MGMT: variants seen among roughly 807,000 people sequenced by gnomAD.
The protein encoded by MGMT is O-6-methylguanine-DNA methyltransferase.
Under a neutral mutation model 15.9 loss-of-function variants are expected in MGMT, and 14 were observed. That is an observed-to-expected ratio of 0.88 (90% CI 0.58 to 1.37). MGMT has a LOEUF of 1.37. MGMT is among the 40% of genes most tolerant of loss of function. The pLI is 0.00. For synonymous variants in MGMT, 130 were observed against 118.2 expected (o/e 1.10, Z -0.65); for missense variants, 282 against 268.1 (o/e 1.05, Z -0.36).
At chr10:129,669,189 G>T (rs964602954) in intron 2 of MGMT, among the ~76,000 whole-genome samples, 1 of 151,776 alleles carries the variant, frequency 6.6e-6, no homozygotes, top group African/African-American at 2.4e-5. Flanking sequence ...AACTTATTTT[G>T]TTTTACTGCA....
rs747352251 is a variant in MGMT at position 129,536,299 on chromosome 10, T to TG, written c.51dup (p.Lys18GlufsTer8). 6.2e-7 allele frequency: 1 copy of TG among 1,614,082 alleles called. No homozygotes were observed. The highest frequency in any genetic ancestry group is 8.5e-7 in the Non-Finnish European group (1 of 1,180,018). On this transcript the variant is annotated frameshift_variant, in exon 2 of 5. Coordinates refer to ENST00000651593, the MANE Select transcript of MGMT (RefSeq NM_002412.5). LOFTEE classifies it high-confidence loss of function. ...AAACGCACCACACTGGACAGCCCTT[T>TG]GGGGAAGCTGGAGCTGTCTGGTTGT... is the stretch of plus-strand genomic sequence containing the variant.
chr10:129,754,989 G>C (rs1848788908), intron 3 of MGMT, among the ~76,000 whole-genome samples: 1 of 152,226 alleles, frequency 6.6e-6, no homozygotes, highest in Non-Finnish European at 1.5e-5. Flanking sequence ...TCAGGCTGTA[G>C]TAAGTTCGGG....
intron 1 of MGMT, 44 bp from the exon 2 acceptor site, chr10:129,536,197 G>A (rs1368398770): frequency 1.2e-6 from 2 of 1,605,870 alleles, no homozygotes; most frequent in South Asian, 2.2e-5. Flanking sequence ...TATACGACCA[G>A]CCTCTTACCT....
chr10:129,683,895 A>C (rs1362940842), intron 2 of MGMT, among the ~76,000 whole-genome samples: 4 of 152,198 alleles, frequency 2.6e-5, no homozygotes, highest in African/African-American at 9.7e-5. Flanking sequence ...TGTGCTCAAA[A>C]CAGTTGCCTG....
chr10:129,629,134 C>G (rs1195187416), intron 2 of MGMT, among the ~76,000 whole-genome samples: 1 of 152,234 alleles, frequency 6.6e-6, no homozygotes, highest in Admixed American at 6.5e-5. Context: ...ATTTTACCTT[C>G]CCCAGGTCTG....
At chr10:129,728,431 G>T (rs557283735) in intron 3 of MGMT, among the ~76,000 whole-genome samples, 1 of 152,170 alleles carries the variant, frequency 6.6e-6, no homozygotes. Flanking sequence ...GGCGGACCCC[G>T]CAGGGTCCAT....
At chr10:129,606,325 C>T (rs183051330) in intron 2 of MGMT, among the ~76,000 whole-genome samples, 3 of 152,270 alleles carry the variant, frequency 2.0e-5, no homozygotes, top group Non-Finnish European at 4.4e-5. Context: ...ATTTGTATGT[C>T]GTTAACACCG....
chr10:129,646,719 A>AATATATACATATATATATATATATATAT (rs1847393057), intron 2 of MGMT, among the ~76,000 whole-genome samples: 1 of 81,718 alleles, frequency 1.2e-5, no homozygotes, highest in African/African-American at 4.7e-5. Flanking sequence ...GCCCATCAGA[A>AATATATACATATATATATATATATATAT]ATATATATAT....
At chr10:129,622,475 A>G (rs1271115943) in intron 2 of MGMT, among the ~76,000 whole-genome samples, 8 of 152,220 alleles carry the variant, frequency 5.3e-5, no homozygotes, top group Non-Finnish European at 7.3e-5. Flanking sequence ...TTTACACGGT[A>G]TTGAATCATG....
chr10:129,605,614 C>T (rs948780504), intron 2 of MGMT, among the ~76,000 whole-genome samples: 4 of 152,070 alleles, frequency 2.6e-5, no homozygotes, highest in Non-Finnish European at 4.4e-5. Context: ...CATGTGAAGC[C>T]CATTTTTTCC....
chr10:129,725,757 G>A (rs867198740), intron 3 of MGMT, among the ~76,000 whole-genome samples: 4 of 152,326 alleles, frequency 2.6e-5, no homozygotes, highest in South Asian at 2.1e-4. Context: ...ACACATCCAC[G>A]TAACTCTTGT....
At chr10:129,682,250 T>C (rs1469542703) in intron 2 of MGMT, among the ~76,000 whole-genome samples, 1 of 152,078 alleles carries the variant, frequency 6.6e-6, no homozygotes, top group African/African-American at 2.4e-5. Flanking sequence ...TCAGATGTCC[T>C]TCCAAAGATG....
intron 4 of MGMT, among the ~76,000 whole-genome samples, chr10:129,760,422 G>A (rs1271165343): frequency 6.6e-6 from 1 of 152,244 alleles, no homozygotes; most frequent in Admixed American, 6.5e-5. Context: ...CATACCATCT[G>A]ATCAGGGAGC....
At chr10:129,666,817 G>A (rs542618389) in intron 2 of MGMT, among the ~76,000 whole-genome samples, 4 of 152,314 alleles carry the variant, frequency 2.6e-5, no homozygotes, top group Admixed American at 2.6e-4. Flanking sequence ...CCCAACAGTT[G>A]TAGAAGTTTT....
chr10:129,651,488 A>G (rs1847457545), intron 2 of MGMT, among the ~76,000 whole-genome samples: 1 of 152,192 alleles, frequency 6.6e-6, no homozygotes, highest in African/African-American at 2.4e-5. Flanking sequence ...ACTATAGCGA[A>G]CAAATTGCCC....
At chr10:129,564,324 CCT>C (rs1268508485) in intron 2 of MGMT, among the ~76,000 whole-genome samples, 4 of 43,506 alleles carry the variant, frequency 9.2e-5, no homozygotes, top group Admixed American at 2.2e-4. Context: ...CTTCCTCCCC[CCT>C]CTTTCCTCCC....
At chr10:129,752,587 ATTTG>A (rs1848761274) in intron 3 of MGMT, among the ~76,000 whole-genome samples, 1 of 147,746 alleles carries the variant, frequency 6.8e-6, no homozygotes, top group South Asian at 2.1e-4. Context: ...GTTTTGTTTT[ATTTG>A]TTGTGGTTTT....
chr10:129,640,697 C>T (rs926741898), intron 2 of MGMT, among the ~76,000 whole-genome samples: 2 of 152,114 alleles, frequency 1.3e-5, no homozygotes, highest in Non-Finnish European at 2.9e-5. Context: ...TCCTAATGTA[C>T]ATAAAATGCA....
intron 3 of MGMT, among the ~76,000 whole-genome samples, chr10:129,736,463 G>T (rs201225352): frequency 0.18 from 22,679 of 129,148 alleles, 2,544 homozygotes; most frequent in East Asian, 0.32. Flanking sequence ...GTCTCTGCCC[G>T]TGAGATGGGT....
Sources: gnomAD v4.1 joint callset for allele counts (sites outside exome capture counted in the v4.1 genomes callset) on GRCh38, gnomAD v4.1.1 for gene constraint, MANE v1.5 for transcripts, NCBI Gene and HGNC (gene_info 2026-07-23, HGNC 2026-07-21) for gene names.